INPP4B: variants seen among roughly 807,000 people sequenced by gnomAD.
The protein encoded by INPP4B is inositol polyphosphate 4-phosphatase type II.
Under a neutral mutation model 122.5 loss-of-function variants are expected in INPP4B, and 55 were observed. That is an observed-to-expected ratio of 0.45 (90% CI 0.36 to 0.56). The LOEUF is 0.56. Among genes scored for constraint, INPP4B ranks in the 20% least tolerant of loss-of-function variants. INPP4B has a pLI of 0.00. For missense variants in INPP4B, 1,000 were observed against 1,097.7 expected, an observed-to-expected ratio of 0.91 and a Z score of 1.26; for synonymous variants, 403 against 388.7, an observed-to-expected ratio of 1.04 and a Z score of -0.43.
intron 6 of INPP4B, among the ~76,000 whole-genome samples, chr4:142,403,931 T>C (rs1802476085): frequency 1.3e-5 from 2 of 152,276 alleles, no homozygotes; most frequent in Admixed American, 6.5e-5. Flanking sequence ...ACATTTCTTA[T>C]AGTTAAGATG....
chr4:142,656,934 C>T (rs565721533), intron 2 of INPP4B, among the ~76,000 whole-genome samples: 4 of 152,278 alleles, frequency 2.6e-5, no homozygotes, highest in Non-Finnish European at 4.4e-5. Context: ...GTGCTTTACA[C>T]GTCTGTATGG....
chr4:142,493,995 C>G (rs184564159), intron 2 of INPP4B, among the ~76,000 whole-genome samples: 1 of 152,248 alleles, frequency 6.6e-6, no homozygotes, highest in Admixed American at 6.5e-5. Context: ...TACTTCCATG[C>G]TGTTCTTGGG....
intron 7 of INPP4B, among the ~76,000 whole-genome samples, chr4:142,379,250 A>G (rs948222425): frequency 1.2e-4 from 18 of 152,166 alleles, no homozygotes; most frequent in African/African-American, 4.1e-4. Flanking sequence ...AAAGACCAAT[A>G]TCCTTGTGAA....
rs546502738 is a variant in INPP4B, at chr4:142,494,224, T to C, written c.-190-31498A>G. ...GTCTCTCATATCTTTATTAGCAGCATGAAAACAGACTAATACATGACTCTG... is the reference window on the plus strand; with the variant it reads ...GTCTCTCATATCTTTATTAGCAGCACGAAAACAGACTAATACATGACTCTG... On this transcript the variant is annotated intron_variant, in intron 2 of 25. Coordinates refer to ENST00000262992, the MANE Select transcript of INPP4B (RefSeq NM_001101669.3). Among the ~76,000 whole-genome samples the C allele has an allele frequency of 7.9e-5, 12 of 152,288 alleles. No individual in the cohort carries two copies. In the South Asian group the frequency reaches 2.5e-3, roughly 32 times the overall value.
intron 1 of INPP4B, among the ~76,000 whole-genome samples, chr4:142,841,007 A>G (rs1047867596): frequency 1.3e-5 from 2 of 152,082 alleles, no homozygotes; most frequent in Non-Finnish European, 2.9e-5. Context: ...AGTGATTTAC[A>G]GGTTTTGTTA....
intron 1 of INPP4B, among the ~76,000 whole-genome samples, chr4:142,726,422 C>T (rs1765354357): frequency 6.6e-6 from 1 of 152,098 alleles, no homozygotes; most frequent in East Asian, 1.9e-4. Flanking sequence ...TGCAGATTAC[C>T]TTCCTTATGA....
intron 5 of INPP4B, among the ~76,000 whole-genome samples, chr4:142,421,709 C>T (rs569693304): frequency 6.6e-6 from 1 of 152,070 alleles, no homozygotes; most frequent in Non-Finnish European, 1.5e-5. Flanking sequence ...TCTGAATTCT[C>T]TCATGTTCCT....
At chr4:142,612,027 T>G (rs909891453) in intron 2 of INPP4B, among the ~76,000 whole-genome samples, 1 of 152,188 alleles carries the variant, frequency 6.6e-6, no homozygotes, top group Non-Finnish European at 1.5e-5. Context: ...TACACAGGTT[T>G]ACATGCATTA....
intron 2 of INPP4B, among the ~76,000 whole-genome samples, chr4:142,636,505 G>A (rs1166494778): frequency 6.6e-6 from 1 of 152,008 alleles, no homozygotes; most frequent in East Asian, 1.9e-4. Flanking sequence ...AGATAGGGTA[G>A]CCAAATTATT....
chr4:142,195,574 T>C (rs1837841363), intron 14 of INPP4B, among the ~76,000 whole-genome samples: 1 of 152,164 alleles, frequency 6.6e-6, no homozygotes, highest in Admixed American at 6.6e-5. Context: ...TAAAAATATA[T>C]GCAAGTTTTT....
At chr4:142,530,584 C>G (rs1039979966) in intron 2 of INPP4B, among the ~76,000 whole-genome samples, 2 of 148,296 alleles carry the variant, frequency 1.3e-5, no homozygotes, top group Non-Finnish European at 3.0e-5. Context: ...TATATACACA[C>G]ACACACAGAC....
intron 2 of INPP4B, among the ~76,000 whole-genome samples, chr4:142,699,431 G>T (rs1761436547): frequency 2.0e-5 from 3 of 151,990 alleles, no homozygotes; most frequent in Admixed American, 2.0e-4. Flanking sequence ...TGCTCACTTG[G>T]GAAAATCATG....
intron 1 of INPP4B, among the ~76,000 whole-genome samples, chr4:142,794,981 C>G (rs554716918): frequency 3.3e-5 from 5 of 151,436 alleles, no homozygotes. Context: ...TGCATAGGAG[C>G]ATGCACAAGA....
At chr4:142,662,841 G>A (rs1357487729) in intron 2 of INPP4B, among the ~76,000 whole-genome samples, 4 of 152,146 alleles carry the variant, frequency 2.6e-5, no homozygotes, top group Non-Finnish European at 5.9e-5. Flanking sequence ...AAGAAAATTT[G>A]ACATATTGGA....
chr4:142,364,219 C>G (rs910179354), intron 7 of INPP4B, among the ~76,000 whole-genome samples: 3 of 151,968 alleles, frequency 2.0e-5, no homozygotes, highest in Admixed American at 2.0e-4. Context: ...ACCCCATATT[C>G]TAAAGAGAAC....
At chr4:142,076,042 G>A (rs1169098022) in intron 25 of INPP4B, among the ~76,000 whole-genome samples, 4 of 152,038 alleles carry the variant, frequency 2.6e-5, no homozygotes, top group Non-Finnish European at 5.9e-5. Context: ...AGAAGTGGTT[G>A]ACTTGGGAAG....
intron 24 of INPP4B, among the ~76,000 whole-genome samples, chr4:142,083,546 CTTTA>C (rs1775227566): frequency 1.3e-5 from 2 of 152,114 alleles, no homozygotes; most frequent in Admixed American, 1.3e-4. Context: ...CAAAGGTCTT[CTTTA>C]TTATCTGTCA....
At chr4:142,328,911 CA>C (rs1244857218) in intron 7 of INPP4B, among the ~76,000 whole-genome samples, 1 of 152,152 alleles carries the variant, frequency 6.6e-6, no homozygotes, top group East Asian at 1.9e-4. Flanking sequence ...CTTTTTAAGA[CA>C]GCTTCTTTCC....
chr4:142,750,328 A>T (rs1273712451), intron 1 of INPP4B, among the ~76,000 whole-genome samples: 2 of 152,220 alleles, frequency 1.3e-5, no homozygotes, highest in Middle Eastern at 3.4e-3. Flanking sequence ...TACAGAAAAA[A>T]CTTCACAGGT....
Sources: allele counts gnomAD v4.1 joint callset (sites outside exome capture counted in the v4.1 genomes callset), GRCh38; gene constraint gnomAD v4.1.1; transcripts MANE v1.5; gene names NCBI Gene and HGNC (gene_info 2026-07-23, HGNC 2026-07-21).